Variants in DNAH9 observed in about 807,000 individuals in gnomAD.
The protein encoded by DNAH9 is DNAH9 variant protein.
DNAH9 carries 345 observed loss-of-function variants against 471.6 expected under a neutral mutation model. The observed-to-expected ratio is 0.73, with a 90% CI of 0.67 to 0.80. The LOEUF (loss-of-function observed/expected upper bound fraction) is 0.80. Among genes scored for constraint, DNAH9 ranks in the 30% least tolerant of loss-of-function variants. DNAH9 has a pLI of 0.00. For synonymous variants in DNAH9, 2,093 were observed against 2,123.6 expected, an observed-to-expected ratio of 0.99 and a Z score of 0.40; for missense variants, 5,407 against 5,609.2, an observed-to-expected ratio of 0.96 and a Z score of 1.15.
intron 57 of DNAH9, among the ~76,000 whole-genome samples, chr17:11,890,857 T>C (rs1391427585): frequency 6.6e-6 from 1 of 152,070 alleles, no homozygotes; most frequent in Non-Finnish European, 1.5e-5. Flanking sequence ...GCCCGGACAA[T>C]TTAATTTTTT....
chr17:11,797,693 T>C lies in DNAH9; in HGVS notation c.8320T>C (p.Trp2774Arg). 1 of 1,614,196 alleles carries C rather than the reference T, an allele frequency of 6.2e-7. No homozygotes were observed. The highest frequency in any genetic ancestry group is 8.5e-7 in the Non-Finnish European group (1 of 1,180,020). ...GEPKYMPVQS[W>R]ELLTQTLVEA... ...GCCCAAATACATGCCTGTACAGTCT[T>C]GGGAACTTTTGACCCAGACTCTGGT... Residue 2774 changes from tryptophan to arginine, a missense_variant, in exon 43 of 69, where the codon TGG (tryptophan) becomes CGG (arginine). Trp to Arg is a moderately radical substitution (Grantham distance 101). This residue lies in a region of DNAH9 where 4,636 missense variants were observed against 4,900.3 expected (regional missense o/e 0.95). Coordinates refer to ENST00000262442, the MANE Select transcript of DNAH9 (RefSeq NM_001372.4).
rs1418725224 is a variant in DNAH9, at chr17:11,886,980, G to C, written c.11112+15G>C. The C allele has an allele frequency of 1.9e-6, 3 of 1,604,382 alleles. No individual in the cohort carries two copies. Among genetic ancestry groups the C allele is most frequent in the Non-Finnish European group, 2.6e-6 (3 of 1,175,474 alleles). On this transcript the variant is annotated intron_variant, in intron 57 of 68. Transcript: ENST00000262442. ...TTTCTCTCAAGGTGACTTACACCTG[G>C]AGTTTCTTGCCTGATTATAATAAAG...
At chr17:11,751,898 C>G (rs1371389357) in intron 32 of DNAH9, among the ~76,000 whole-genome samples, 1 of 151,992 alleles carries the variant, frequency 6.6e-6, no homozygotes. Flanking sequence ...TTAAAGGCAA[C>G]TGAACATAAA....
At chr17:11,870,551 C>T (rs1333299630) in intron 51 of DNAH9, among the ~76,000 whole-genome samples, 1 of 152,224 alleles carries the variant, frequency 6.6e-6, no homozygotes, top group Admixed American at 6.5e-5. Context: ...AAATGTGTGT[C>T]TGTGCAGTTG....
chr17:11,950,120 G>T (rs1281818598), intron 67 of DNAH9, among the ~76,000 whole-genome samples: 2 of 152,146 alleles, frequency 1.3e-5, no homozygotes, highest in Non-Finnish European at 2.9e-5. Flanking sequence ...TGCACAGAAG[G>T]TATGGAGATT....
chr17:11,784,589 T>G (rs1968793917), intron 41 of DNAH9, 50 bp downstream of exon 41: 1 of 1,611,786 alleles, frequency 6.2e-7, no homozygotes, highest in African/African-American at 1.3e-5. Context: ...ATTATCCAGA[T>G]GCTCCGATTC....
intron 56 of DNAH9, among the ~76,000 whole-genome samples, chr17:11,885,085 C>G (rs1439392193): frequency 6.6e-6 from 1 of 152,150 alleles, no homozygotes; most frequent in Non-Finnish European, 1.5e-5. Flanking sequence ...TTGAAGGCCA[C>G]TGTATTCTAA....
At chr17:11,740,679 G>C (rs1360923830) in intron 29 of DNAH9, among the ~76,000 whole-genome samples, 1 of 152,056 alleles carries the variant, frequency 6.6e-6, no homozygotes, top group Non-Finnish European at 1.5e-5. Context: ...TTCTCTCAAA[G>C]GCCCTATGAG....
chr17:11,844,375 G>T (rs1202450862), intron 49 of DNAH9, among the ~76,000 whole-genome samples: 1 of 152,128 alleles, frequency 6.6e-6, no homozygotes, highest in Admixed American at 6.5e-5. Flanking sequence ...CGTGAAGAAA[G>T]ATTTTTTTGA....
At chr17:11,634,238 T>A (rs1374511171) in intron 8 of DNAH9, among the ~76,000 whole-genome samples, 2 of 152,200 alleles carry the variant, frequency 1.3e-5, no homozygotes, top group Admixed American at 1.3e-4. Flanking sequence ...TTCTGCCTAC[T>A]TTGTTTCTCT....
intron 12 of DNAH9, 123 bp from the exon 13 acceptor site, chr17:11,650,946 G>A: frequency 9.9e-7 from 1 of 1,005,208 alleles, no homozygotes; most frequent in Non-Finnish European, 1.5e-6. Context: ...ACTGATAGGA[G>A]CAGAACTTAA....
intron 17 of DNAH9, among the ~76,000 whole-genome samples, chr17:11,671,853 C>G (rs909274531): frequency 1.3e-5 from 2 of 152,190 alleles, no homozygotes; most frequent in East Asian, 1.9e-4. Flanking sequence ...GATGAACACA[C>G]AGTAGAGCAG....
chr17:11,852,189 C>T (rs560141360), intron 49 of DNAH9, among the ~76,000 whole-genome samples: 5 of 152,256 alleles, frequency 3.3e-5, no homozygotes, highest in South Asian at 2.1e-4. Flanking sequence ...ATCAAGAGCA[C>T]CTCAAATTAA....
chr17:11,694,647 TCG>T (rs112611648), intron 22 of DNAH9, among the ~76,000 whole-genome samples, 200 bp downstream of exon 22: 815 of 3,932 alleles, frequency 0.21, 368 homozygotes, highest in Middle Eastern at 1. Context: ...TCTTGCTTTC[TCG>T]CTTTCTCGCT....
intron 50 of DNAH9, among the ~76,000 whole-genome samples, chr17:11,864,677 C>G (rs1241036389): frequency 6.6e-6 from 1 of 152,108 alleles, no homozygotes; most frequent in Admixed American, 6.5e-5. Context: ...GTAGGTCACT[C>G]AGGACTTGCT....
At chr17:11,874,047 C>T (rs944667615) in intron 52 of DNAH9, among the ~76,000 whole-genome samples, 3 of 151,920 alleles carry the variant, frequency 2.0e-5, no homozygotes, top group Non-Finnish European at 4.4e-5. Flanking sequence ...GAGTTCGAGA[C>T]CAGCCTGTCC....
chr17:11,751,056 A>G (rs1008110692), intron 32 of DNAH9, among the ~76,000 whole-genome samples: 3 of 152,068 alleles, frequency 2.0e-5, no homozygotes, highest in African/African-American at 7.2e-5. Flanking sequence ...TGGAATTAAC[A>G]GACAAGAGTA....
At chr17:11,686,926 A>C (rs1216675307) in intron 19 of DNAH9, among the ~76,000 whole-genome samples, 2 of 152,334 alleles carry the variant, frequency 1.3e-5, no homozygotes, top group Non-Finnish European at 1.5e-5. Flanking sequence ...TTCAGTTCAC[A>C]TTCTAAGTTC....
intron 55 of DNAH9, 76 bp from the exon 56 acceptor site, chr17:11,883,510 G>C: frequency 6.5e-7 from 1 of 1,533,190 alleles, no homozygotes. Context: ...AGGGACTCTC[G>C]CCCTATTCAG....
Sources: allele counts gnomAD v4.1 joint callset (sites outside exome capture counted in the v4.1 genomes callset), GRCh38; gene constraint gnomAD v4.1.1; regional missense constraint gnomAD v4.1.1; transcripts MANE v1.5; gene names NCBI Gene and HGNC (gene_info 2026-07-23, HGNC 2026-07-21).